Variants in DNAH9 observed in about 807,000 individuals in gnomAD.
The protein encoded by DNAH9 is dynein axonemal heavy chain 9, also known as DNAH9 variant protein.
In DNAH9, 345 loss-of-function variants were observed where a neutral mutation model predicts 471.6. That is an observed-to-expected ratio of 0.73 (90% CI 0.67 to 0.80). The LOEUF (loss-of-function observed/expected upper bound fraction) is 0.80. DNAH9 is among the 30% of genes least tolerant of loss of function. The probability of loss-of-function intolerance (pLI) is 0.00; values close to 1 mark genes in which losing one functional copy is unlikely to be tolerated. For missense variants in DNAH9, 5,407 were observed against 5,609.2 expected (o/e 0.96, Z 1.15); for synonymous variants, 2,093 against 2,123.6 (o/e 0.99, Z 0.40).
intron 13 of DNAH9, among the ~76,000 whole-genome samples, chr17:11,651,568 G>A (rs187780891): frequency 2.0e-5 from 3 of 151,696 alleles, no homozygotes; most frequent in Admixed American, 2.0e-4. Flanking sequence ...AGGCTCAGAA[G>A]TTGCATAAGA....
In DNAH9 at chr17:11,634,269, C is replaced by T. The variant is rs561006092; in HGVS notation, c.1635+1566C>T. On this transcript the variant is annotated intron_variant, in intron 8 of 68. Transcript: ENST00000262442. The stretch of plus-strand genomic sequence containing the variant: ...TCTCTCTTTTTGGTGATCTCACCAA[C>T]AAGAAACTAAAACCCTTCCTTCATC... 1.3e-5 allele frequency among the ~76,000 whole-genome samples: 2 copies of T among 152,306 alleles called. 1 individual carries two copies. Among genetic ancestry groups the T allele is most frequent in the South Asian group, 4.1e-4 (2 of 4,824 alleles).
chr17:11,907,685 A>G (rs1265335845), intron 61 of DNAH9, among the ~76,000 whole-genome samples: 1 of 152,154 alleles, frequency 6.6e-6, no homozygotes, highest in Non-Finnish European at 1.5e-5. Context: ...CTAACAGCAT[A>G]TGCTTTGTGC....
chr17:11,882,536 T>G (rs1972763069), intron 55 of DNAH9, among the ~76,000 whole-genome samples: 1 of 152,114 alleles, frequency 6.6e-6, no homozygotes, highest in South Asian at 2.1e-4. Flanking sequence ...CATTCATTCA[T>G]TGAACAGATA....
chr17:11,801,606 G>A (rs1011373534), intron 43 of DNAH9, among the ~76,000 whole-genome samples: 3 of 152,122 alleles, frequency 2.0e-5, no homozygotes, highest in Non-Finnish European at 2.9e-5. Context: ...CAGGAGAATC[G>A]CTTGAACCCG....
At chr17:11,809,502 G>T (rs1284707113) in intron 44 of DNAH9, among the ~76,000 whole-genome samples, 1 of 152,172 alleles carries the variant, frequency 6.6e-6, no homozygotes, top group Non-Finnish European at 1.5e-5. Context: ...GAGAGGCGGA[G>T]CTTGCAGTGA....
chr17:11,646,624 G>T (rs2073396209), intron 11 of DNAH9, among the ~76,000 whole-genome samples: 1 of 152,102 alleles, frequency 6.6e-6, no homozygotes, highest in African/African-American at 2.4e-5. Context: ...TTAGAAATCT[G>T]TGGCTATGGC....
rs1597849799 is a variant in DNAH9 at position 11,937,230 on chromosome 17, G to A, written c.12490-122G>A. Reference sequence around the variant, plus strand: ...AGGGTGATGAAGTCAACCAGGGATGGTGAGCAGTGTCCCCTGGAGGAGGGA... The same window carrying A: ...AGGGTGATGAAGTCAACCAGGGATGATGAGCAGTGTCCCCTGGAGGAGGGA... On this transcript the variant is annotated intron_variant, in intron 65 of 68. Transcript: ENST00000262442. This position sits in a 1 kb window ranked among gnomAD's most constrained non-coding sequence, Gnocchi z 4.1. The A allele has an allele frequency of 8.3e-7, 1 of 1,208,254 alleles. No homozygotes were observed. Among genetic ancestry groups the A allele is most frequent in the East Asian group, 2.4e-5 (1 of 41,296 alleles). The allele number at this position is 1,208,254 out of a possible 1,614,324, so 74.8% of individuals were successfully genotyped here.
At chr17:11,871,332 G>A (rs1017072455) in intron 51 of DNAH9, among the ~76,000 whole-genome samples, 2 of 152,202 alleles carry the variant, frequency 1.3e-5, no homozygotes, top group African/African-American at 4.8e-5. Flanking sequence ...TGATTAAGTG[G>A]TATCAGTCTC....
At chr17:11,968,400 A>G (rs1392012506) in intron 68 of DNAH9, among the ~76,000 whole-genome samples, 1 of 152,208 alleles carries the variant, frequency 6.6e-6, no homozygotes, top group Non-Finnish European at 1.5e-5. Flanking sequence ...CCATGGCATA[A>G]AGGCCTCAGA....
Position 11,624,804 on chromosome 17 carries a change from A to C in DNAH9, c.1351-4613A>C, listed in dbSNP as rs187593526. The stretch of plus-strand genomic sequence containing the variant: ...GATCCCAAACTGGTTTTGTGGTTTT[A>C]TTCTGCCCTTATACACTCTGTTCTA... On this transcript the variant is annotated intron_variant, in intron 6 of 68. Transcript: ENST00000262442. 5.3e-5 allele frequency among the ~76,000 whole-genome samples: 8 copies of C among 151,748 alleles called. No individual in the cohort carries two copies. In the East Asian group the frequency reaches 1.6e-3, roughly 30 times the overall value.
chr17:11,910,186 C>T (rs1342714564), intron 61 of DNAH9, among the ~76,000 whole-genome samples: 9 of 151,724 alleles, frequency 5.9e-5, no homozygotes, highest in Non-Finnish European at 1.0e-4. Flanking sequence ...ACCCGGGAGG[C>T]GGAGGTTGCA....
At chr17:11,925,138 TATTCTCCACCAA>T in intron 62 of DNAH9, 1 of 454,852 alleles carries the variant, frequency 2.2e-6, no homozygotes. Context: ...TTTATGACTG[TATTCTCCACCAA>T]ATTTTTTAGG....
rs1034773554 is a variant in DNAH9 at position 11,819,492 on chromosome 17, A to G, written c.8708-2428A>G. ...GAGTGCAGTGGCGCAATCTCGGCTC[A>G]CTGCAACCTCCACCTCCTGGGTTCA... On this transcript the variant is annotated intron_variant, in intron 45 of 68. Transcript: ENST00000262442. Among the ~76,000 whole-genome samples, 9 of 152,066 alleles carry G rather than the reference A, an allele frequency of 5.9e-5. No individual in the cohort carries two copies. In the South Asian group the frequency reaches 1.9e-3, roughly 32 times the overall value.
Position 11,763,428 on chromosome 17 carries a change from C to G in DNAH9, c.6996-12C>G. The G allele has an allele frequency of 8.7e-6, 14 of 1,612,268 alleles. No homozygotes were observed. The highest frequency in any genetic ancestry group is 1.2e-5 in the Non-Finnish European group (14 of 1,178,812). On this transcript the variant is annotated splice_polypyrimidine_tract_variant and intron_variant, in intron 35 of 68. Transcript: ENST00000262442. ...CTCTGTGTTTCAGATCCCCTCGGGT[C>G]TCTCTTTGCAGGTTTAAGAAGATCA...
Position 11,610,323 on chromosome 17 carries a change from C to T in DNAH9, c.615-73C>T, listed in dbSNP as rs2072607052. On this transcript the variant is annotated intron_variant, in intron 2 of 68. Transcript: ENST00000262442. Reference sequence around the variant, plus strand: ...AAATTTGGGATTCTGTCTTGGGGTACACCCAGGGTTATTTTCACGCCTCAG... The same window carrying T: ...AAATTTGGGATTCTGTCTTGGGGTATACCCAGGGTTATTTTCACGCCTCAG... 26 of 1,247,180 alleles carry T rather than the reference C, an allele frequency of 2.1e-5. No homozygotes were observed. In the East Asian group the frequency reaches 5.7e-4, roughly 28 times the overall value. The allele number at this position is 1,247,180 out of a possible 1,614,324, so 77.3% of individuals were successfully genotyped here.
intron 41 of DNAH9, among the ~76,000 whole-genome samples, chr17:11,792,561 G>A (rs1191036797): frequency 6.6e-6 from 1 of 152,160 alleles, no homozygotes; most frequent in Non-Finnish European, 1.5e-5. Flanking sequence ...AACAGAAAAA[G>A]ATGACAGAGA....
chr17:11,762,758 GTTTTTTTTTTTGTTTTTTT>G lies in DNAH9; in HGVS notation c.6996-670_6996-652del, dbSNP rs1457470341. Among the ~76,000 whole-genome samples the G allele has an allele frequency of 2.1e-4, 20 of 94,774 alleles. 1 individual carries two copies. The highest frequency in any genetic ancestry group is 1.5e-3 in the South Asian group (4 of 2,666). 62.2% of individuals were successfully genotyped at this position (94,774 alleles called of 152,430 possible). A position where few individuals can be genotyped will look rare whatever the true frequency, so the allele number is the denominator to read the frequency against. ...GCACCAAAATTGCCTCTTTAGGTGC[GTTTTTTTTTTTGTTTTTTT>G]TTTTTTTTTTTTTTTTTTTTGAGAT... On this transcript the variant is annotated intron_variant, in intron 35 of 68. Transcript: ENST00000262442.
At chr17:11,783,956 T>C (rs958969234) in intron 40 of DNAH9, among the ~76,000 whole-genome samples, 2 of 152,140 alleles carry the variant, frequency 1.3e-5, no homozygotes, top group African/African-American at 4.8e-5. Context: ...TTTCATCTGA[T>C]TTGATCCCTC....
rs551929587 is a variant in DNAH9 at position 11,899,770 on chromosome 17, G to A, written c.11407-2949G>A. Among the ~76,000 whole-genome samples, 28 of 152,290 alleles carry A rather than the reference G, an allele frequency of 1.8e-4. 1 individual carries two copies. The South Asian group carries it at 5.8e-3, about 32-fold the overall frequency. On this transcript the variant is annotated intron_variant, in intron 59 of 68. Coordinates refer to ENST00000262442, the MANE Select transcript of DNAH9 (RefSeq NM_001372.4). ...ATGAAAGTCAGCTCCTCGGCACAGAGAGAAATAATTACAGCAGCTGCAGCT... is the reference window on the plus strand; with the variant it reads ...ATGAAAGTCAGCTCCTCGGCACAGAAAGAAATAATTACAGCAGCTGCAGCT...
Sources: allele counts gnomAD v4.1 joint callset (sites outside exome capture counted in the v4.1 genomes callset), GRCh38; gene constraint gnomAD v4.1.1; non-coding constraint Gnocchi (gnomAD v3.1); transcripts MANE v1.5; gene names NCBI Gene and HGNC (gene_info 2026-07-23, HGNC 2026-07-21).